ADCY2: variants seen among roughly 807,000 people sequenced by gnomAD.
ADCY2 encodes adenylate cyclase type 2.
In ADCY2, 31 loss-of-function variants were observed where a neutral mutation model predicts 125.2. The ratio of observed to expected loss-of-function variants is 0.25; its 90% CI spans 0.19 to 0.33. The LOEUF (loss-of-function observed/expected upper bound fraction) is 0.33, where lower values mean the gene tolerates loss of function less well. Ranked by LOEUF, ADCY2 falls within the 10% of genes least tolerant of loss-of-function variation. The probability of loss-of-function intolerance (pLI) is 1.00; values close to 1 mark genes in which losing one functional copy is unlikely to be tolerated. For missense variants in ADCY2, 904 were observed against 1,418.2 expected (o/e 0.64, Z 5.82); for synonymous variants, 512 against 548.4 (o/e 0.93, Z 0.93).
At chr5:7,748,543 C>CAG (rs1560941278) in intron 15 of ADCY2, among the ~76,000 whole-genome samples, 88 of 148,706 alleles carry the variant, frequency 5.9e-4, no homozygotes, top group African/African-American at 2.2e-3. Context: ...CACACACACA[C>CAG]ACACACACAC....
intron 2 of ADCY2, among the ~76,000 whole-genome samples, chr5:7,502,931 A>G (rs1430352226): frequency 6.6e-6 from 1 of 152,130 alleles, no homozygotes; most frequent in African/African-American, 2.4e-5. Context: ...TTGATATGGT[A>G]TTGATATGAT....
chr5:7,501,370 G>A lies in ADCY2; in HGVS notation c.409-19368G>A, dbSNP rs140952423. ...GATTTCTAAAGATTAACAACCTTGAGGCATAAGATGGTGTCATTCAACAAA... is the reference window on the plus strand; with the variant it reads ...GATTTCTAAAGATTAACAACCTTGAAGCATAAGATGGTGTCATTCAACAAA... On this transcript the variant is annotated intron_variant, in intron 2 of 24. Transcript: ENST00000338316. Among the ~76,000 whole-genome samples the A allele has an allele frequency of 2.8e-3, 419 of 152,198 alleles. 3 individuals are homozygous for A. Among genetic ancestry groups the A allele is most frequent in the African/African-American group, 9.7e-3 (403 of 41,524 alleles).
chr5:7,752,629 T>C (rs1253816684), intron 15 of ADCY2, among the ~76,000 whole-genome samples: 1 of 151,722 alleles, frequency 6.6e-6, no homozygotes, highest in East Asian at 1.9e-4. Context: ...AATTTTAGAG[T>C]GAAAAATTTA....
At chr5:7,777,954 G>C (rs924153908) in intron 18 of ADCY2, among the ~76,000 whole-genome samples, 3 of 152,152 alleles carry the variant, frequency 2.0e-5, no homozygotes, top group Non-Finnish European at 4.4e-5. Context: ...GACGTGATTC[G>C]GATAAGTCGC....
chr5:7,617,379 C>A (rs1737801921), intron 3 of ADCY2, among the ~76,000 whole-genome samples: 1 of 152,164 alleles, frequency 6.6e-6, no homozygotes, highest in Admixed American at 6.5e-5. Flanking sequence ...CTCAATCAAA[C>A]CTAACTACAA....
At chr5:7,439,240 T>C (rs1740917784) in intron 2 of ADCY2, among the ~76,000 whole-genome samples, 1 of 152,136 alleles carries the variant, frequency 6.6e-6, no homozygotes, top group African/African-American at 2.4e-5. Context: ...GGAAAGAGGT[T>C]TAATTGACTC....
At position 7,666,086 on chromosome 5, in the gene ADCY2, C is replaced by T. The variant is rs570795594; in HGVS notation, c.721-24605C>T. ...ATCTCCTGACCTCGTGATCCGCCCG[C>T]CTTGGCCTCCCAAAGTGCTGGGATT... On this transcript the variant is annotated intron_variant, in intron 4 of 24. Coordinates refer to ENST00000338316, the MANE Select transcript of ADCY2 (RefSeq NM_020546.3). Among the ~76,000 whole-genome samples, 1,035 of 151,652 alleles carry T rather than the reference C, an allele frequency of 6.8e-3. 12 individuals are homozygous for T. The highest frequency in any genetic ancestry group is 0.024 in the African/African-American group (979 of 41,330).
intron 2 of ADCY2, among the ~76,000 whole-genome samples, chr5:7,475,471 C>T: frequency 6.6e-6 from 1 of 152,006 alleles, no homozygotes; most frequent in Admixed American, 6.5e-5. Flanking sequence ...AACCTCCGTC[C>T]CCCGGGTTTG....
chr5:7,669,572 C>T (rs1218217705), intron 4 of ADCY2, among the ~76,000 whole-genome samples: 1 of 152,120 alleles, frequency 6.6e-6, no homozygotes, highest in Non-Finnish European at 1.5e-5. Context: ...GAAATCAATT[C>T]CATGGGTTGC....
At position 7,804,040 on chromosome 5, in the gene ADCY2, A is replaced by AAGAGAGAGAGAG. The variant is rs57193249; in HGVS notation, c.2776-522_2776-511dup. Among the ~76,000 whole-genome samples the AAGAGAGAGAGAG allele has an allele frequency of 6.4e-3, 680 of 106,572 alleles. 38 individuals are homozygous for AAGAGAGAGAGAG. The highest frequency in any genetic ancestry group is 0.01 in the African/African-American group (278 of 26,982). The allele number at this position is 106,572 out of a possible 152,430, so 69.9% of individuals were successfully genotyped here. On this transcript the variant is annotated intron_variant, in intron 21 of 24. Transcript: ENST00000338316. Reference sequence around the variant, plus strand: ...TCTTAGGCCTCCCATGGAGGGGGGAAAGAGAGAGAGAGAGAGAGAGAGAGA... The same window carrying AAGAGAGAGAGAG: ...TCTTAGGCCTCCCATGGAGGGGGGAAAGAGAGAGAGAGAGAGAGAGAGAGAGAGAGAGAGAGA...
chr5:7,507,358 G>C (rs1471837448), intron 2 of ADCY2, among the ~76,000 whole-genome samples: 2 of 134,402 alleles, frequency 1.5e-5, no homozygotes, highest in African/African-American at 2.9e-5. Context: ...GGAGAATGGC[G>C]TGAACCCGGG....
At chr5:7,515,865 T>C (rs1341208016) in intron 2 of ADCY2, among the ~76,000 whole-genome samples, 1 of 152,124 alleles carries the variant, frequency 6.6e-6, no homozygotes, top group African/African-American at 2.4e-5. Flanking sequence ...AACAAATAAA[T>C]GGGGACTTTA....
intron 2 of ADCY2, among the ~76,000 whole-genome samples, chr5:7,423,846 G>A (rs1172577691): frequency 6.6e-6 from 1 of 152,126 alleles, no homozygotes; most frequent in East Asian, 1.9e-4. Flanking sequence ...CTTTTCTTAA[G>A]AGGAGCATGG....
rs564946974 is a variant in ADCY2, at chr5:7,736,030, G to A, written c.1872-7638G>A. Among the ~76,000 whole-genome samples, 27 of 152,188 alleles carry A rather than the reference G, an allele frequency of 1.8e-4. 2 individuals carry two copies. The South Asian group carries it at 3.9e-3, about 22-fold the overall frequency. On this transcript the variant is annotated intron_variant, in intron 14 of 24. Transcript: ENST00000338316. Reference sequence around the variant, plus strand: ...CTGGACAACATGGCAAAACCCCTGGGCAAAGGGGCAAAACCCCCTCTCTAC... The same window carrying A: ...CTGGACAACATGGCAAAACCCCTGGACAAAGGGGCAAAACCCCCTCTCTAC...
At chr5:7,638,747 C>G (rs1738591602) in intron 4 of ADCY2, among the ~76,000 whole-genome samples, 1 of 152,182 alleles carries the variant, frequency 6.6e-6, no homozygotes, top group Non-Finnish European at 1.5e-5. Context: ...CCTAGCTGGC[C>G]TGTTTAGGGC....
chr5:7,591,785 T>C (rs780228636), intron 3 of ADCY2, among the ~76,000 whole-genome samples: 2 of 152,176 alleles, frequency 1.3e-5, no homozygotes, highest in Admixed American at 6.5e-5. Flanking sequence ...CATTGGATAT[T>C]ATGCCTCTGA....
chr5:7,727,447 G>C (rs554031828), intron 14 of ADCY2, among the ~76,000 whole-genome samples, 186 bp downstream of exon 14: 1 of 152,064 alleles, frequency 6.6e-6, no homozygotes, highest in Non-Finnish European at 1.5e-5. Context: ...TTAGCATAAT[G>C]TTGGATTTTC....
intron 2 of ADCY2, among the ~76,000 whole-genome samples, chr5:7,509,892 A>G (rs1743992712): frequency 6.6e-6 from 1 of 152,184 alleles, no homozygotes; most frequent in South Asian, 2.1e-4. Context: ...AGAATTTCCA[A>G]TTATGCTTTT....
At chr5:7,818,924 G>A (rs1247947386) in intron 23 of ADCY2, among the ~76,000 whole-genome samples, 1 of 152,156 alleles carries the variant, frequency 6.6e-6, no homozygotes, top group Non-Finnish European at 1.5e-5. Flanking sequence ...ATATATAAAG[G>A]AAAGTTTATT....
Sources: gnomAD v4.1 joint callset for allele counts (sites outside exome capture counted in the v4.1 genomes callset) on GRCh38, gnomAD v4.1.1 for gene constraint, MANE v1.5 for transcripts, NCBI Gene and HGNC (gene_info 2026-07-23, HGNC 2026-07-21) for gene names.